The following ARAP1 variants were observed in gnomAD, a reference collection of about 807,000 sequenced individuals.
ARAP1 encodes arf-GAP with Rho-GAP domain, ANK repeat and PH domain-containing protein 1.
Under a neutral mutation model 172.2 loss-of-function variants are expected in ARAP1, and 76 were observed. That is an observed-to-expected ratio of 0.44 (90% confidence interval 0.37 to 0.53). The LOEUF is 0.53. Ranked by LOEUF, ARAP1 falls within the 20% of genes least tolerant of loss-of-function variation. The pLI is 0.00. For missense variants in ARAP1, 1,686 were observed against 1,977.5 expected, an observed-to-expected ratio of 0.85 and a Z score of 2.80; for synonymous variants, 804 against 803.3, an observed-to-expected ratio of 1.00 and a Z score of -0.01.
At chr11:72,736,413 C>T (rs1350665436) in intron 1 of ARAP1, among the ~76,000 whole-genome samples, 1 of 151,894 alleles carries the variant, frequency 6.6e-6, no homozygotes, top group Middle Eastern at 3.2e-3. Context: ...CAGCTAATTA[C>T]TGAGCTTTTT....
chr11:72,703,205 TGAAA>T (rs1856578856), intron 14 of ARAP1, 126 bp from the exon 15 acceptor site: 3 of 935,700 alleles, frequency 3.2e-6, no homozygotes, highest in East Asian at 5.7e-5. Context: ...ATCCTCAGAC[TGAAA>T]GAGAGAATAG....
chr11:72,724,043 A>C (rs1383539681), intron 3 of ARAP1, among the ~76,000 whole-genome samples: 1 of 152,156 alleles, frequency 6.6e-6, no homozygotes, highest in Non-Finnish European at 1.5e-5. Context: ...GGTCCTGATA[A>C]ACTCACATAC....
intron 33 of ARAP1, 88 bp from the exon 34 acceptor site, chr11:72,686,279 T>G: frequency 1.3e-6 from 2 of 1,492,790 alleles, no homozygotes; most frequent in Non-Finnish European, 1.8e-6. Flanking sequence ...CAGAAATGCC[T>G]CCAGCTGTGG....
chr11:72,685,488 T>TGCCTCCCACCCCTGCC lies in ARAP1; in HGVS notation c.*160_*175dup. The TGCCTCCCACCCCTGCC allele has an allele frequency of 1.2e-6, 1 of 869,312 alleles. No homozygotes were observed. Among genetic ancestry groups the TGCCTCCCACCCCTGCC allele is most frequent in the South Asian group, 1.6e-5 (1 of 61,982 alleles). The allele number at this position is 869,312 out of a possible 1,614,324, so 53.8% of individuals were successfully genotyped here. On this transcript the variant is annotated 3_prime_UTR_variant, in exon 35 of 35. Transcript: ENST00000393609. ...GGTTCCTGCCCAGGCTGACCCCTGC[T>TGCCTCCCACCCCTGCC]GCCTCCCACCCCTGCCGGGGAACCC...
At chr11:72,746,795 G>T (rs1488276283) in intron 1 of ARAP1, among the ~76,000 whole-genome samples, 2 of 152,206 alleles carry the variant, frequency 1.3e-5, no homozygotes, top group African/African-American at 4.8e-5. Flanking sequence ...AAGCTCCAGG[G>T]AAGTTGAGTA....
chr11:72,724,125 C>T (rs897058157), intron 3 of ARAP1, among the ~76,000 whole-genome samples: 4 of 152,198 alleles, frequency 2.6e-5, no homozygotes, highest in Admixed American at 6.5e-5. Flanking sequence ...CACACACTCT[C>T]AGAACCTGTC....
In ARAP1 at chr11:72,712,456, G is replaced by T. The variant is rs1244167653; in HGVS notation, c.860C>A (p.Ala287Asp). The T allele has an allele frequency of 6.3e-7, 1 of 1,595,400 alleles. No individual in the cohort carries two copies. Among genetic ancestry groups the T allele is most frequent in the Non-Finnish European group, 8.6e-7 (1 of 1,166,858 alleles). ...CACTCACTTGGGGACGCCCTCATAG[G>T]CGTGGTCATCCTCTTCCTCATCCCC... is the stretch of plus-strand genomic sequence containing the variant. ...DQGDEEEDDH[A>D]YEGVPNGGWH... The change falls in exon 6 of 35, where the codon GCC becomes GAC. Residue 287 changes from alanine to aspartate, a missense_variant. By Grantham distance (126) the Ala-to-Asp change is moderately radical (BLOSUM62 -2). Coordinates refer to ENST00000393609, the MANE Select transcript of ARAP1 (RefSeq NM_001040118.3).
chr11:72,710,614 C>T lies in ARAP1; in HGVS notation c.1214-27G>A. ...TGCAGGAGAAGGGTAGAGGAGTAAG[C>T]CCAAGGTTGCAGGGAGCCCCTCAGG... On this transcript the variant is annotated intron_variant, in intron 9 of 34. Coordinates refer to ENST00000393609, the MANE Select transcript of ARAP1 (RefSeq NM_001040118.3). This position sits in a 1 kb window ranked among gnomAD's most constrained non-coding sequence, Gnocchi z 4.3. The T allele has an allele frequency of 2.5e-6, 4 of 1,578,254 alleles. No individual in the cohort carries two copies. The highest frequency in any genetic ancestry group is 3.4e-6 in the Non-Finnish European group (4 of 1,164,110).
At chr11:72,691,380 T>A (rs1461550424) in intron 30 of ARAP1, among the ~76,000 whole-genome samples, 2 of 152,162 alleles carry the variant, frequency 1.3e-5, no homozygotes, top group African/African-American at 2.4e-5. Context: ...ACCTCAGCCA[T>A]CTTCCCTCCC....
At position 72,711,055 on chromosome 11, in the gene ARAP1, G is replaced by A; in HGVS notation, c.1179C>T (p.Asn393=). The A allele has an allele frequency of 6.2e-7, 1 of 1,614,224 alleles. No homozygotes were observed. Among genetic ancestry groups the A allele is most frequent in the Non-Finnish European group, 8.5e-7 (1 of 1,180,044 alleles). ...CTGCCCGGAAGGCAAAGGTTCGGTT[G>A]TTTGTGATCACTTCAAACTTCTGGT... ...IGDQKFEVIT[N]NRTFAFRAES... The change falls in exon 9 of 35, where the codon AAC becomes AAT. Residue 393 remains asparagine (N), a synonymous_variant. Coordinates refer to ENST00000393609, the MANE Select transcript of ARAP1 (RefSeq NM_001040118.3).
intron 20 of ARAP1, 50 bp downstream of exon 20, chr11:72,697,546 CCA>C (rs1228677649): frequency 1.2e-6 from 2 of 1,613,132 alleles, no homozygotes; most frequent in Non-Finnish European, 1.7e-6. Flanking sequence ...GTCCCCAGGC[CCA>C]TCAGACTGCT....
chr11:72,716,172 CAAAA>C (rs201462857), intron 3 of ARAP1, among the ~76,000 whole-genome samples: 2 of 73,294 alleles, frequency 2.7e-5, no homozygotes, highest in Non-Finnish European at 5.2e-5. Flanking sequence ...GACTCCGTCT[CAAAA>C]AAAAAAAAAA....
At position 72,712,572 on chromosome 11, in the gene ARAP1, C is replaced by T. The variant is rs768135199; in HGVS notation, c.748-4G>A. 7 of 1,611,742 alleles carry T rather than the reference C, an allele frequency of 4.3e-6. No homozygotes were observed. The highest frequency in any genetic ancestry group is 2.7e-5 in the African/African-American group (2 of 75,012). On this transcript the variant is annotated splice_polypyrimidine_tract_variant and splice_region_variant and intron_variant, in intron 5 of 34. Transcript: ENST00000393609. ...CTCGGCTCGGTGGGGGCTCCTCCTG[C>T]CCCCGAGACCCACTCAGCGTCATCC...
chr11:72,727,441 G>A (rs1857728222), intron 2 of ARAP1, among the ~76,000 whole-genome samples: 1 of 152,152 alleles, frequency 6.6e-6, no homozygotes, highest in African/African-American at 2.4e-5. Context: ...CATGATCTCT[G>A]GGGTTGGTAC....
In ARAP1 at chr11:72,692,746, T is replaced by C. The variant is rs1441644744; in HGVS notation, c.3987+7A>G. The C allele has an allele frequency of 6.2e-7, 1 of 1,613,854 alleles. No homozygotes were observed. Among genetic ancestry groups the C allele is most frequent in the Admixed American group, 1.7e-5 (1 of 60,022 alleles). On this transcript the variant is annotated splice_region_variant and intron_variant, in intron 30 of 34. Coordinates refer to ENST00000393609, the MANE Select transcript of ARAP1 (RefSeq NM_001040118.3). ...AGGCAGCTGGCAGTCAGCCCACAGC[T>C]ACTCACGGTCTCAGGGGCCCCGCTC...
intron 27 of ARAP1, 129 bp downstream of exon 27, chr11:72,694,851 G>T: frequency 1.3e-6 from 1 of 756,736 alleles, no homozygotes; most frequent in Non-Finnish European, 2.2e-6. Flanking sequence ...AGATCAGTGT[G>T]ACAGCAACAT....
chr11:72,711,123 A>C lies in ARAP1; in HGVS notation c.1111T>G (p.Phe371Val). The C allele has an allele frequency of 6.2e-7, 1 of 1,614,186 alleles. No homozygotes were observed. The highest frequency in any genetic ancestry group is 8.5e-7 in the Non-Finnish European group (1 of 1,180,022). The change falls in exon 9 of 35, where the codon TTT becomes GTT. Residue 371 changes from phenylalanine (F) to valine (V), a missense_variant. Phe to Val is a conservative substitution (Grantham distance 50). Coordinates refer to ENST00000393609, the MANE Select transcript of ARAP1 (RefSeq NM_001040118.3). ...DSNKDAYSKR[F>V]ISVACISHVA... ...TGGGAGATGCAGGCCACAGAGATAA[A>C]GCGCTTAGAGTAAGCGTCCTGGGGG...
rs752554621 is a variant in ARAP1, at chr11:72,709,843, C to T, written c.1523+27G>A. 31 of 1,607,898 alleles carry T rather than the reference C, an allele frequency of 1.9e-5. No individual in the cohort carries two copies. The East Asian group carries it at 2.0e-4, about 10-fold the overall frequency. ...AAACATTAGGAAGGAGTGAGGATGC[C>T]GGTGAGCCAAGAAGATGGAGGGTCA... On this transcript the variant is annotated intron_variant, in intron 11 of 34. Transcript: ENST00000393609.
chr11:72,689,320 TG>T, intron 30 of ARAP1, among the ~76,000 whole-genome samples: 1 of 152,276 alleles, frequency 6.6e-6, no homozygotes, highest in East Asian at 1.9e-4. Context: ...AGAGGCTGGT[TG>T]GAGGTCAAGC....
Sources: gnomAD v4.1 joint callset for allele counts (sites outside exome capture counted in the v4.1 genomes callset) on GRCh38, gnomAD v4.1.1 for gene constraint, Gnocchi (gnomAD v3.1) non-coding constraint, MANE v1.5 for transcripts, NCBI Gene and HGNC (gene_info 2026-07-23, HGNC 2026-07-21) for gene names.